The following SGCZ variants were observed in gnomAD, a reference collection of about 807,000 sequenced individuals.
The protein encoded by SGCZ is zeta-sarcoglycan.
A neutral mutation model predicts 41.3 loss-of-function variants in SGCZ; 40 were observed. That is an observed-to-expected ratio of 0.97 (90% CI 0.75 to 1.26). The LOEUF (loss-of-function observed/expected upper bound fraction) is 1.26, where lower values mean the gene tolerates loss of function less well. Among genes scored for constraint, SGCZ ranks in the 50% most tolerant of loss-of-function variants. The probability of loss-of-function intolerance (pLI) is 0.00; values close to 1 mark genes in which losing one functional copy is unlikely to be tolerated. For synonymous variants in SGCZ, 206 were observed against 137.5 expected (o/e 1.50, Z -3.49); for missense variants, 552 against 369.8 (o/e 1.49, Z -4.04).
At chr8:14,933,152 A>G (rs891247007) in intron 1 of SGCZ, among the ~76,000 whole-genome samples, 4 of 151,954 alleles carry the variant, frequency 2.6e-5, no homozygotes, top group Non-Finnish European at 5.9e-5. Context: ...TACGTCGGTA[A>G]CAGCATCAAT....
At chr8:15,154,731 C>CA (rs1799279826) in intron 1 of SGCZ, among the ~76,000 whole-genome samples, 1 of 151,930 alleles carries the variant, frequency 6.6e-6, no homozygotes, top group African/African-American at 2.4e-5. Flanking sequence ...CAATTATAAA[C>CA]AAAAAATGGG....
chr8:14,352,589 C>T (rs936996108), intron 2 of SGCZ, among the ~76,000 whole-genome samples: 1 of 152,074 alleles, frequency 6.6e-6, no homozygotes, highest in Non-Finnish European at 1.5e-5. Flanking sequence ...GCACAAACAA[C>T]CAGGAAGAGA....
At chr8:14,095,459 C>T (rs933283544) in intron 7 of SGCZ, among the ~76,000 whole-genome samples, 5 of 150,262 alleles carry the variant, frequency 3.3e-5, no homozygotes, top group South Asian at 2.1e-4. Flanking sequence ...TTTCTGAGGC[C>T]GCTGTTCTGT....
chr8:14,459,842 C>A (rs1392559599), intron 2 of SGCZ, among the ~76,000 whole-genome samples: 1 of 152,018 alleles, frequency 6.6e-6, no homozygotes, highest in Admixed American at 6.6e-5. Context: ...AAGAAAACAT[C>A]AGAGAACCCC....
chr8:14,854,021 TTATATATATATATATA>T (rs10604213), intron 1 of SGCZ, among the ~76,000 whole-genome samples: 10 of 107,676 alleles, frequency 9.3e-5, no homozygotes, highest in South Asian at 3.4e-4. Flanking sequence ...TGTGATTATA[TTATATATATATATATA>T]TATATATATA....
At chr8:14,571,708 T>A (rs529080973) in intron 1 of SGCZ, among the ~76,000 whole-genome samples, 61 of 152,214 alleles carry the variant, frequency 4.0e-4, no homozygotes, top group Non-Finnish European at 7.6e-4. Flanking sequence ...GACCATATTA[T>A]AAATTAGTGA....
At chr8:15,215,726 A>G (rs536046633) in intron 1 of SGCZ, among the ~76,000 whole-genome samples, 1 of 152,240 alleles carries the variant, frequency 6.6e-6, no homozygotes, top group African/African-American at 2.4e-5. Context: ...CAAACTGATC[A>G]GTTGTTAAAG....
At chr8:14,110,660 A>G (rs10503486) in intron 5 of SGCZ, among the ~76,000 whole-genome samples, 122,587 of 152,064 alleles carry the variant, frequency 0.81, 49,931 homozygotes, top group East Asian at 0.91. Flanking sequence ...AATGAGCCAA[A>G]GGTACAAAAT....
At chr8:14,651,766 A>G (rs1807407676) in intron 1 of SGCZ, among the ~76,000 whole-genome samples, 3 of 151,958 alleles carry the variant, frequency 2.0e-5, no homozygotes, top group South Asian at 2.1e-4. Context: ...TTGTGTTTCT[A>G]CCCCATAAAA....
chr8:14,839,786 G>C (rs796200334), intron 1 of SGCZ, among the ~76,000 whole-genome samples: 9 of 151,982 alleles, frequency 5.9e-5, no homozygotes, highest in African/African-American at 2.2e-4. Context: ...AATTTTATTT[G>C]GACACAAACA....
chr8:14,834,498 CAA>C (rs1802633077), intron 1 of SGCZ, among the ~76,000 whole-genome samples: 1 of 152,018 alleles, frequency 6.6e-6, no homozygotes. Flanking sequence ...TTCAGGCTGC[CAA>C]AGAGTTCCCC....
chr8:15,112,438 G>C (rs1807104726), intron 1 of SGCZ, among the ~76,000 whole-genome samples: 1 of 152,236 alleles, frequency 6.6e-6, no homozygotes, highest in African/African-American at 2.4e-5. Flanking sequence ...AACCTCTGAA[G>C]AATAGCTTTG....
Position 14,523,719 on chromosome 8 carries a change from T to C in SGCZ, c.234+31013A>G, listed in dbSNP as rs921372346. Among the ~76,000 whole-genome samples the C allele has an allele frequency of 1.5e-4, 23 of 152,112 alleles. 1 individual carries two copies. Among genetic ancestry groups the C allele is most frequent in the African/African-American group, 5.6e-4 (23 of 41,440 alleles). On this transcript the variant is annotated intron_variant, in intron 2 of 7. Coordinates refer to ENST00000382080, the MANE Select transcript of SGCZ (RefSeq NM_139167.4). ...TATGTAAGTATATGTTTTTTGTTTG[T>C]TTTTGTTTTACCAAATTTAAAAAGT...
intron 7 of SGCZ, 29 bp downstream of exon 7, chr8:14,102,347 G>A (rs1193609109): frequency 7.0e-7 from 1 of 1,436,712 alleles, no homozygotes; most frequent in Non-Finnish European, 9.3e-7. Context: ...GGGCAGTATA[G>A]GGCGAGGGTC....
At chr8:14,141,028 A>G (rs1161880032) in intron 5 of SGCZ, among the ~76,000 whole-genome samples, 2 of 152,120 alleles carry the variant, frequency 1.3e-5, no homozygotes, top group African/African-American at 4.8e-5. Flanking sequence ...CACACCTACA[A>G]CCATCTGATC....
intron 2 of SGCZ, among the ~76,000 whole-genome samples, chr8:14,539,542 C>T (rs193102175): frequency 3.8e-4 from 57 of 151,362 alleles, no homozygotes; most frequent in African/African-American, 1.3e-3. Context: ...TCATTTTTTG[C>T]TTTTTTTTAA....
chr8:14,658,738 G>C (rs1048970533), intron 1 of SGCZ, among the ~76,000 whole-genome samples: 1 of 151,990 alleles, frequency 6.6e-6, no homozygotes, highest in Non-Finnish European at 1.5e-5. Context: ...TCACCTGTTT[G>C]TGTATTTGTT....
chr8:14,515,005 A>G (rs1009190743), intron 2 of SGCZ, among the ~76,000 whole-genome samples: 3 of 152,038 alleles, frequency 2.0e-5, no homozygotes, highest in Admixed American at 6.6e-5. Flanking sequence ...AAAATATTAA[A>G]TTACATCAAG....
At chr8:14,579,777 G>A (rs547981523) in intron 1 of SGCZ, among the ~76,000 whole-genome samples, 4 of 152,104 alleles carry the variant, frequency 2.6e-5, no homozygotes, top group Non-Finnish European at 5.9e-5. Flanking sequence ...AAGTACATGA[G>A]TTTTACGTTC....
Sources: gnomAD v4.1 joint callset for allele counts (sites outside exome capture counted in the v4.1 genomes callset) on GRCh38, gnomAD v4.1.1 for gene constraint, MANE v1.5 for transcripts, NCBI Gene and HGNC (gene_info 2026-07-23, HGNC 2026-07-21) for gene names.